SEMA3D: variants seen among roughly 807,000 people sequenced by gnomAD.
SEMA3D encodes semaphorin-3D.
In SEMA3D, 84 loss-of-function variants were observed where a neutral mutation model predicts 100.1. The ratio of observed to expected loss-of-function variants is 0.84; its 90% confidence interval spans 0.70 to 1.01. The LOEUF (loss-of-function observed/expected upper bound fraction) is 1.01, where lower values mean the gene tolerates loss of function less well. Among genes scored for constraint, SEMA3D ranks in the 50% least tolerant of loss-of-function variants. SEMA3D has a pLI of 0.00. For synonymous variants in SEMA3D, 312 were observed against 320.7 expected, an observed-to-expected ratio of 0.97 and a Z score of 0.29; for missense variants, 875 against 934.1, an observed-to-expected ratio of 0.94 and a Z score of 0.82.
the SEMA3D span, among the ~76,000 whole-genome samples, chr7:85,229,936 T>A: frequency 6.6e-6 from 1 of 152,246 alleles, no homozygotes; most frequent in South Asian, 2.1e-4. Context: ...AGAAAAAAAC[T>A]CTTCTTAACT....
At chr7:85,050,847 C>T (rs932908922) in intron 9 of SEMA3D, 1 of 422,256 alleles carries the variant, frequency 2.4e-6, no homozygotes, top group Non-Finnish European at 4.3e-6. Flanking sequence ...CTGCCCCTAA[C>T]ACTGCAAAAT....
At chr7:85,045,787 T>TA (rs1253611401) in intron 9 of SEMA3D, among the ~76,000 whole-genome samples, 6 of 151,986 alleles carry the variant, frequency 3.9e-5, no homozygotes, top group African/African-American at 1.4e-4. Context: ...TAAATGAATT[T>TA]AAAAATGTAA....
chr7:85,225,085 TATATATATA>T, the SEMA3D span, among the ~76,000 whole-genome samples: 1 of 16,128 alleles, frequency 6.2e-5, no homozygotes, highest in Admixed American at 5.0e-4. Context: ...TATATATATA[TATATATATA>T]TATATATATA....
chr7:85,124,918 G>A (rs1391761582), intron 2 of SEMA3D, among the ~76,000 whole-genome samples: 1 of 152,082 alleles, frequency 6.6e-6, no homozygotes, highest in Non-Finnish European at 1.5e-5. Flanking sequence ...CAAGTGTGCT[G>A]TTCCACCCAC....
intron 8 of SEMA3D, among the ~76,000 whole-genome samples, chr7:85,060,737 CT>C (rs1791455599): frequency 6.6e-6 from 1 of 152,128 alleles, no homozygotes; most frequent in African/African-American, 2.4e-5. Context: ...TCCTAACTTC[CT>C]TTTATTACTT....
In SEMA3D at chr7:84,999,430, A is replaced by G; in HGVS notation, c.*10T>C. On this transcript the variant is annotated 3_prime_UTR_variant, in exon 19 of 19. Coordinates refer to ENST00000284136, the MANE Select transcript of SEMA3D (RefSeq NM_001384900.1). ...GGTAAGGAATTCTTTTCTTTAAATT[A>G]AGTAGAAAACTACGTGGCTACAGCT... 6.2e-7 allele frequency: 1 copy of G among 1,607,680 alleles called. No homozygotes were observed. Among genetic ancestry groups the G allele is most frequent in the Middle Eastern group, 1.7e-4 (1 of 6,018 alleles).
At chr7:85,062,709 A>G (rs1000311061) in intron 8 of SEMA3D, among the ~76,000 whole-genome samples, 1 of 152,206 alleles carries the variant, frequency 6.6e-6, no homozygotes, top group African/African-American at 2.4e-5. Context: ...TAAGGCTTAC[A>G]TATCTTGATT....
intron 18 of SEMA3D, among the ~76,000 whole-genome samples, chr7:85,004,298 A>T (rs1174149260): frequency 1.3e-5 from 2 of 152,152 alleles, no homozygotes; most frequent in Non-Finnish European, 2.9e-5. Flanking sequence ...AATCATTTAT[A>T]TTGCTTTTAG....
At chr7:85,233,251 AAAG>A in the SEMA3D span, among the ~76,000 whole-genome samples, 1 of 152,200 alleles carries the variant, frequency 6.6e-6, no homozygotes, top group Non-Finnish European at 1.5e-5. Context: ...GAAAAAAAAA[AAAG>A]ATGTTACTTG....
the SEMA3D span, among the ~76,000 whole-genome samples, chr7:85,210,067 C>G: frequency 7.9e-5 from 12 of 152,074 alleles, no homozygotes; most frequent in African/African-American, 2.9e-4. Context: ...AGGGTCAGAT[C>G]TGTTTGACCA....
intron 17 of SEMA3D, among the ~76,000 whole-genome samples, chr7:85,011,675 T>C (rs6965396): frequency 0.23 from 35,231 of 151,732 alleles, 4,933 homozygotes; most frequent in Non-Finnish European, 0.33. Flanking sequence ...ATTGCATATG[T>C]ATCGCACAGT....
chr7:85,209,358 G>A, the SEMA3D span, among the ~76,000 whole-genome samples: 1 of 151,724 alleles, frequency 6.6e-6, no homozygotes, highest in African/African-American at 2.4e-5. Flanking sequence ...CTAAAACTTT[G>A]TGCAAATTAT....
intron 5 of SEMA3D, among the ~76,000 whole-genome samples, chr7:85,078,961 G>A (rs1305478352): frequency 3.9e-5 from 6 of 152,146 alleles, no homozygotes; most frequent in African/African-American, 1.4e-4. Context: ...TTAAAAATGA[G>A]GATCTATGTT....
intron 2 of SEMA3D, chr7:85,140,900 C>T (rs948014681): frequency 3.1e-6 from 2 of 653,296 alleles, no homozygotes; most frequent in Admixed American, 1.3e-4. Flanking sequence ...ATCTTCCTAT[C>T]AACACCTCAG....
intron 8 of SEMA3D, among the ~76,000 whole-genome samples, chr7:85,059,913 C>T (rs1028606797): frequency 2.6e-5 from 4 of 152,292 alleles, no homozygotes; most frequent in Non-Finnish European, 5.9e-5. Flanking sequence ...TGAAAAACAT[C>T]ATCCAAGTGT....
intron 4 of SEMA3D, among the ~76,000 whole-genome samples, chr7:85,093,881 T>A (rs1484754063): frequency 6.6e-6 from 1 of 151,962 alleles, no homozygotes; most frequent in East Asian, 1.9e-4. Flanking sequence ...AGCTAGGACA[T>A]CTGACATTGG....
intron 3 of SEMA3D, among the ~76,000 whole-genome samples, chr7:85,113,457 T>C (rs1156830374): frequency 2.0e-5 from 3 of 151,870 alleles, no homozygotes; most frequent in African/African-American, 7.3e-5. Flanking sequence ...AACTCTATTG[T>C]TGTTTAAGAA....
the SEMA3D span, among the ~76,000 whole-genome samples, chr7:85,215,223 C>T: frequency 6.6e-6 from 1 of 151,032 alleles, no homozygotes; most frequent in African/African-American, 2.4e-5. Context: ...TTAACTAGGG[C>T]TTTAGAAGTT....
At chr7:85,228,376 A>T in the SEMA3D span, among the ~76,000 whole-genome samples, 1 of 152,272 alleles carries the variant, frequency 6.6e-6, no homozygotes, top group East Asian at 1.9e-4. Flanking sequence ...TTCATTTTTT[A>T]AAAAATATTT....
Sources: allele counts gnomAD v4.1 joint callset (sites outside exome capture counted in the v4.1 genomes callset), GRCh38; gene constraint gnomAD v4.1.1; transcripts MANE v1.5; gene names NCBI Gene and HGNC (gene_info 2026-07-23, HGNC 2026-07-21).